ANKRD17: variants seen among roughly 807,000 people sequenced by gnomAD.
The protein encoded by ANKRD17 is ankyrin repeat domain-containing protein 17.
Under a neutral mutation model 229.7 loss-of-function variants are expected in ANKRD17, and 19 were observed. The observed-to-expected ratio is 0.08, with a 90% CI of 0.06 to 0.12. The LOEUF is 0.12. Ranked by LOEUF, ANKRD17 falls within the 10% of genes least tolerant of loss-of-function variation. The pLI is 1.00. For missense variants in ANKRD17, 2,176 were observed against 3,176.8 expected, an observed-to-expected ratio of 0.68 and a Z score of 7.57; for synonymous variants, 1,112 against 1,146.1, an observed-to-expected ratio of 0.97 and a Z score of 0.60.
intron 1 of ANKRD17, among the ~76,000 whole-genome samples, chr4:73,196,518 A>G (rs1737908315): frequency 6.6e-6 from 1 of 152,222 alleles, no homozygotes; most frequent in Admixed American, 6.5e-5. Flanking sequence ...ACGTATGTGT[A>G]TGTTTATATA....
chr4:73,220,130 A>G (rs188683181), intron 1 of ANKRD17, among the ~76,000 whole-genome samples: 33 of 152,306 alleles, frequency 2.2e-4, no homozygotes, highest in Non-Finnish European at 4.7e-4. Flanking sequence ...CATTCTAAGT[A>G]GTACAATCTA....
chr4:73,204,517 T>C (rs1416156945), intron 1 of ANKRD17, among the ~76,000 whole-genome samples: 1 of 152,100 alleles, frequency 6.6e-6, no homozygotes, highest in Non-Finnish European at 1.5e-5. Flanking sequence ...ACAAGCACTA[T>C]AAAAAATTTT....
intron 1 of ANKRD17, among the ~76,000 whole-genome samples, chr4:73,241,322 A>G (rs1744014527): frequency 1.3e-5 from 2 of 152,156 alleles, no homozygotes; most frequent in African/African-American, 4.8e-5. Flanking sequence ...TAAAATGTAA[A>G]AGTTAAGAGG....
At chr4:73,144,988 T>TA (rs1237281552) in intron 10 of ANKRD17, among the ~76,000 whole-genome samples, 156 bp from the exon 11 acceptor site, 4 of 152,118 alleles carry the variant, frequency 2.6e-5, no homozygotes, top group African/African-American at 4.8e-5. Context: ...CTTTTAAATT[T>TA]AAAAAAAATC....
intron 3 of ANKRD17, among the ~76,000 whole-genome samples, chr4:73,160,280 G>A (rs1295701569): frequency 1.5e-5 from 2 of 129,956 alleles, no homozygotes; most frequent in African/African-American, 5.8e-5. Context: ...GTGCAATGGC[G>A]CAATCTCGGC....
rs1039802558 is a variant in ANKRD17, at chr4:73,094,246, A to G, written c.5178-18T>C. The G allele has an allele frequency of 1.9e-6, 3 of 1,599,842 alleles. No homozygotes were observed. Among genetic ancestry groups the G allele is most frequent in the Admixed American group, 1.7e-5 (1 of 59,546 alleles). On this transcript the variant is annotated intron_variant, in intron 27 of 33. Transcript: ENST00000358602. ...TCTTTGACCTGTTTAAAAGTTGTAT[A>G]TATAAATTAAGATTAGTCATTAACA...
At chr4:73,076,908 C>A in intron 33 of ANKRD17, 32 bp downstream of exon 33, 2 of 1,579,090 alleles carry the variant, frequency 1.3e-6, no homozygotes, top group Non-Finnish European at 1.7e-6. Flanking sequence ...AAACACAAAA[C>A]AACTGTTTAT....
rs183844746 is a variant in ANKRD17, at chr4:73,177,364, T to C, written c.547+16A>G. 6.6e-5 allele frequency: 102 copies of C among 1,534,058 alleles called. No homozygotes were observed. Among genetic ancestry groups the C allele is most frequent in the Non-Finnish European group, 1.8e-5 (20 of 1,134,320 alleles). On this transcript the variant is annotated intron_variant, in intron 2 of 33. Transcript: ENST00000358602. ...TTACATAACAAGGTAGACTTATTAC[T>C]ATGTAGAGTACATACCTGCAGCTTC...
At chr4:73,192,026 A>G (rs1433616080) in intron 1 of ANKRD17, among the ~76,000 whole-genome samples, 2 of 152,090 alleles carry the variant, frequency 1.3e-5, no homozygotes, top group Non-Finnish European at 2.9e-5. Context: ...TACCTTAAGA[A>G]TAAAGCAGAT....
At chr4:73,104,888 TG>T (rs1469766942) in intron 24 of ANKRD17, among the ~76,000 whole-genome samples, 1 of 152,146 alleles carries the variant, frequency 6.6e-6, no homozygotes, top group Admixed American at 6.5e-5. Context: ...AGGGTGTGGC[TG>T]GGTCTTAGAT....
chr4:73,221,857 A>C (rs1741899818), intron 1 of ANKRD17, among the ~76,000 whole-genome samples: 1 of 152,194 alleles, frequency 6.6e-6, no homozygotes, highest in Non-Finnish European at 1.5e-5. Context: ...TCTGCAGAAC[A>C]ACCATGAGAC....
At position 73,181,262 on chromosome 4, in the gene ANKRD17, A is replaced by G. The variant is rs138115405; in HGVS notation, c.394-3729T>C. Among the ~76,000 whole-genome samples, 876 of 152,324 alleles carry G rather than the reference A, an allele frequency of 5.8e-3. 4 individuals carry two copies. The highest frequency in any genetic ancestry group is 0.013 in the Admixed American group (200 of 15,296). ...TGCAAACATTCTATGTGTAAAAAATACTGTTTAATACTATGGGAGATAAAG... is the reference window on the plus strand; with the variant it reads ...TGCAAACATTCTATGTGTAAAAAATGCTGTTTAATACTATGGGAGATAAAG... On this transcript the variant is annotated intron_variant, in intron 1 of 33. Coordinates refer to ENST00000358602, the MANE Select transcript of ANKRD17 (RefSeq NM_032217.5).
intron 1 of ANKRD17, among the ~76,000 whole-genome samples, chr4:73,247,150 A>G (rs1683738875): frequency 6.6e-6 from 1 of 152,094 alleles, no homozygotes; most frequent in Non-Finnish European, 1.5e-5. Flanking sequence ...AATTTTCAAG[A>G]CATCCAAATG....
At chr4:73,250,613 A>AAAAAAAAAAAC (rs1744924754) in intron 1 of ANKRD17, among the ~76,000 whole-genome samples, 1 of 149,988 alleles carries the variant, frequency 6.7e-6, no homozygotes, top group African/African-American at 2.5e-5. Context: ...AAAAAAAAAA[A>AAAAAAAAAAAC]AACAGAAAAA....
At chr4:73,096,185 TA>T (rs1723279231) in intron 27 of ANKRD17, among the ~76,000 whole-genome samples, 1 of 152,236 alleles carries the variant, frequency 6.6e-6, no homozygotes. Context: ...CTAAGTTACC[TA>T]ACAACTCTTT....
chr4:73,083,207 G>A (rs961308100), intron 30 of ANKRD17, among the ~76,000 whole-genome samples: 5 of 152,176 alleles, frequency 3.3e-5, no homozygotes, highest in African/African-American at 9.7e-5. Context: ...TGTGAGCCTT[G>A]AGTGGTAGTT....
At chr4:73,112,684 G>A in intron 24 of ANKRD17, 1 of 745,544 alleles carries the variant, frequency 1.3e-6, no homozygotes, top group Non-Finnish European at 1.6e-6. Flanking sequence ...AAAAAAGAAT[G>A]TAGCTAACAA....
At chr4:73,201,359 C>T (rs1001736516) in intron 1 of ANKRD17, among the ~76,000 whole-genome samples, 1 of 151,554 alleles carries the variant, frequency 6.6e-6, no homozygotes, top group African/African-American at 2.4e-5. Flanking sequence ...CCCAGTTATG[C>T]AACAACACAA....
In ANKRD17 at chr4:73,140,272, G is replaced by C. The variant is rs1220081862; in HGVS notation, c.2344C>G (p.Gln782Glu). The C allele has an allele frequency of 6.3e-7, 1 of 1,592,164 alleles. No individual in the cohort carries two copies. Among genetic ancestry groups the C allele is most frequent in the Non-Finnish European group, 8.5e-7 (1 of 1,173,202 alleles). The change falls in exon 15 of 34, where the codon CAA (glutamine) becomes GAA (glutamate). Residue 782 changes from glutamine (Q) to glutamate (E), a missense_variant. By Grantham distance (29) the Gln-to-Glu change is conservative. Coordinates refer to ENST00000358602, the MANE Select transcript of ANKRD17 (RefSeq NM_032217.5). ...LPIRNKAASK[Q>E]KSSSHLPANS... ...GCTGGCAAATGGCTGCTGGACTTTT[G>C]TTTAGAAGCAGCTGTGTGAAAAAGA...
Sources: allele counts gnomAD v4.1 joint callset (sites outside exome capture counted in the v4.1 genomes callset), GRCh38; gene constraint gnomAD v4.1.1; transcripts MANE v1.5; gene names NCBI Gene and HGNC (gene_info 2026-07-23, HGNC 2026-07-21).